Variants in CCDC152 observed in about 807,000 individuals in gnomAD.
CCDC152 encodes coiled-coil domain-containing protein 152.
A neutral mutation model predicts 38.1 loss-of-function variants in CCDC152; 37 were observed. That is an observed-to-expected ratio of 0.97 (90% CI 0.75 to 1.28). CCDC152 has a LOEUF of 1.28. Among genes scored for constraint, CCDC152 ranks in the 50% most tolerant of loss-of-function variants. The probability of loss-of-function intolerance (pLI) is 0.00; values close to 1 mark genes in which losing one functional copy is unlikely to be tolerated. For synonymous variants in CCDC152, 83 were observed against 87.1 expected (o/e 0.95, Z 0.26); for missense variants, 259 against 292.1 (o/e 0.89, Z 0.83).
At chr5:42,797,058 C>G (rs922379359) in intron 7 of CCDC152, 102 bp downstream of exon 7, 7 of 905,256 alleles carry the variant, frequency 7.7e-6, no homozygotes, top group Non-Finnish European at 1.1e-5. Context: ...GGATTAGAAG[C>G]AATTCTGTGA....
At chr5:42,773,018 A>G (rs1759721465) in intron 4 of CCDC152, among the ~76,000 whole-genome samples, 2 of 152,192 alleles carry the variant, frequency 1.3e-5, no homozygotes, top group African/African-American at 2.4e-5. Context: ...CTCCCAAGAG[A>G]TGGACTATGT....
At chr5:42,770,953 T>C (rs1759690108) in intron 4 of CCDC152, among the ~76,000 whole-genome samples, 1 of 152,188 alleles carries the variant, frequency 6.6e-6, no homozygotes, top group Non-Finnish European at 1.5e-5. Flanking sequence ...AGAAATGTGA[T>C]CGATTTTTAT....
In CCDC152 at chr5:42,801,010, G is replaced by C; in HGVS notation, c.*1229G>C. On this transcript the variant is annotated 3_prime_UTR_variant, in exon 9 of 9. Coordinates refer to ENST00000361970, the MANE Select transcript of CCDC152 (RefSeq NM_001134848.2). ...TCTGAATCTGTGGGCAATTTACAGA[G>C]TAATTGATTTATACATCTCTTTCGA... is the stretch of plus-strand genomic sequence containing the variant. 1 of 1,614,150 alleles carries C rather than the reference G, an allele frequency of 6.2e-7. No homozygotes were observed. The highest frequency in any genetic ancestry group is 1.1e-5 in the South Asian group (1 of 91,074).
Position 42,796,774 on chromosome 5 carries a change from T to TA in CCDC152, c.431-54dup, listed in dbSNP as rs1408406691. 7.2e-6 allele frequency: 8 copies of TA among 1,107,886 alleles called. No homozygotes were observed. In the African/African-American group the frequency reaches 8.7e-5, roughly 12 times the overall value. The allele number at this position is 1,107,886 out of a possible 1,614,324, so 68.6% of individuals were successfully genotyped here. A position where few individuals can be genotyped will look rare whatever the true frequency, so the allele number is the denominator to read the frequency against. On this transcript the variant is annotated intron_variant, in intron 6 of 8. Transcript: ENST00000361970. ...TTAAAACACTAAAGAAATACAAACT[T>TA]ATAATAATTTTGAAATTTTTAACAA...
intron 2 of CCDC152, among the ~76,000 whole-genome samples, chr5:42,760,099 T>C (rs972632920): frequency 6.6e-6 from 1 of 151,998 alleles, no homozygotes; most frequent in African/African-American, 2.4e-5. Context: ...GGTCAGGATA[T>C]CGAGACCATT....
At chr5:42,790,975 T>C (rs1759991194) in intron 6 of CCDC152, among the ~76,000 whole-genome samples, 1 of 152,150 alleles carries the variant, frequency 6.6e-6, no homozygotes, top group African/African-American at 2.4e-5. Flanking sequence ...CTACATGAGT[T>C]CATGTAGCAA....
intron 6 of CCDC152, among the ~76,000 whole-genome samples, chr5:42,793,749 C>G (rs2111595059): frequency 6.6e-6 from 1 of 152,260 alleles, no homozygotes; most frequent in South Asian, 2.1e-4. Context: ...GCTGGGCCCA[C>G]AGGCACGTGT....
intron 7 of CCDC152, among the ~76,000 whole-genome samples, chr5:42,799,116 A>G (rs566852515): frequency 7.4e-4 from 112 of 152,248 alleles, no homozygotes; most frequent in Admixed American, 2.2e-3. Flanking sequence ...AGTAGTGCCC[A>G]GGCATTTGGT....
intron 2 of CCDC152, among the ~76,000 whole-genome samples, chr5:42,761,734 T>C (rs1317576659): frequency 6.6e-6 from 1 of 152,240 alleles, no homozygotes; most frequent in African/African-American, 2.4e-5. Flanking sequence ...GATTTCTTTC[T>C]ATAGCTGTAC....
chr5:42,799,988 G>GC lies in CCDC152; in HGVS notation c.*207_*208insC. The GC allele has an allele frequency of 1.8e-6, 1 of 545,722 alleles. No individual in the cohort carries two copies. Among genetic ancestry groups the GC allele is most frequent in the South Asian group, 2.6e-5 (1 of 38,188 alleles). The allele number at this position is 545,722 out of a possible 1,614,324, so 33.8% of individuals were successfully genotyped here. ...AACCATAAAGGAGGTCAGGTTTATA[G>GC]GGTTTGGTTTACCTATTAAACCATC... On this transcript the variant is annotated 3_prime_UTR_variant, in exon 9 of 9. Transcript: ENST00000361970.
In CCDC152 at chr5:42,777,278, C is replaced by G. The variant is rs2972776; in HGVS notation, c.263-2180C>G. ...TAATAAAGGAGACCAGCCTGGCCAA[C>G]ATGGTGAAACCCCATCTCTACCAAA... On this transcript the variant is annotated intron_variant, in intron 4 of 8. Coordinates refer to ENST00000361970, the MANE Select transcript of CCDC152 (RefSeq NM_001134848.2). Among the ~76,000 whole-genome samples, 308 of 152,168 alleles carry G rather than the reference C, an allele frequency of 2.0e-3. 2 individuals are homozygous for G. The highest frequency in any genetic ancestry group is 7.0e-3 in the African/African-American group (291 of 41,530).
At chr5:42,793,818 A>G (rs887164568) in intron 6 of CCDC152, among the ~76,000 whole-genome samples, 3 of 152,200 alleles carry the variant, frequency 2.0e-5, no homozygotes, top group Non-Finnish European at 4.4e-5. Flanking sequence ...CATGTTGGTC[A>G]GACTGGTCTT....
intron 6 of CCDC152, among the ~76,000 whole-genome samples, chr5:42,793,568 C>T (rs1320825869): frequency 4.6e-5 from 7 of 152,084 alleles, no homozygotes; most frequent in Non-Finnish European, 5.9e-5. Context: ...TTTACAATGA[C>T]TCTGATTAAT....
chr5:42,773,634 T>C (rs1759729750), intron 4 of CCDC152, among the ~76,000 whole-genome samples: 1 of 152,118 alleles, frequency 6.6e-6, no homozygotes, highest in East Asian at 1.9e-4. Context: ...TTTTAAAAAA[T>C]AAAACATATA....
At chr5:42,761,465 A>C (rs949415014) in intron 2 of CCDC152, among the ~76,000 whole-genome samples, 2 of 152,164 alleles carry the variant, frequency 1.3e-5, no homozygotes, top group Non-Finnish European at 2.9e-5. Flanking sequence ...AACACAAAAA[A>C]TTAGCCGGGT....
At chr5:42,791,716 G>C (rs574522638) in intron 6 of CCDC152, among the ~76,000 whole-genome samples, 5 of 152,250 alleles carry the variant, frequency 3.3e-5, no homozygotes, top group African/African-American at 1.2e-4. Flanking sequence ...CTCTAGCAGA[G>C]CATTTGCCCC....
chr5:42,790,527 G>A (rs967029532), intron 6 of CCDC152, among the ~76,000 whole-genome samples: 6 of 152,126 alleles, frequency 3.9e-5, no homozygotes, highest in Non-Finnish European at 7.4e-5. Context: ...GGTCCTCTGC[G>A]AAACAGATGC....
intron 2 of CCDC152, 41 bp from the exon 3 acceptor site, chr5:42,762,402 G>A: frequency 9.7e-7 from 1 of 1,028,726 alleles, no homozygotes; most frequent in Non-Finnish European, 1.4e-6. Context: ...TAAACTAGCA[G>A]CATTGATTTG....
intron 3 of CCDC152, 114 bp from the exon 4 acceptor site, chr5:42,769,483 C>T: frequency 8.2e-7 from 1 of 1,213,572 alleles, no homozygotes; most frequent in South Asian, 1.6e-5. Context: ...GACTACAAGG[C>T]ACACATCACC....
Sources: gnomAD v4.1 joint callset for allele counts (sites outside exome capture counted in the v4.1 genomes callset) on GRCh38, gnomAD v4.1.1 for gene constraint, MANE v1.5 for transcripts, NCBI Gene and HGNC (gene_info 2026-07-23, HGNC 2026-07-21) for gene names.